TRAK2: variants seen among roughly 807,000 people sequenced by gnomAD.
TRAK2 encodes trafficking kinesin protein 2, also known as trafficking kinesin-binding protein 2.
A neutral mutation model predicts 104.6 loss-of-function variants in TRAK2; 81 were observed. The observed-to-expected ratio is 0.77, with a 90% confidence interval of 0.65 to 0.93. TRAK2 has a LOEUF of 0.93. TRAK2 is among the 40% of genes least tolerant of loss of function. TRAK2 has a pLI of 0.00. For synonymous variants in TRAK2, 406 were observed against 394.4 expected (o/e 1.03, Z -0.35); for missense variants, 1,002 against 1,089.0 (o/e 0.92, Z 1.12).
At chr2:201,418,432 C>T (rs1340353658) in intron 2 of TRAK2, among the ~76,000 whole-genome samples, 1 of 152,044 alleles carries the variant, frequency 6.6e-6, no homozygotes, top group Non-Finnish European at 1.5e-5. Flanking sequence ...CCAGATTATA[C>T]AATTTATATA....
At chr2:201,450,532 C>T (rs1182187390) in intron 1 of TRAK2, among the ~76,000 whole-genome samples, 1 of 152,174 alleles carries the variant, frequency 6.6e-6, no homozygotes, top group Non-Finnish European at 1.5e-5. Context: ...ATGTCACCAC[C>T]ATTAACCTGC....
chr2:201,450,370 A>G (rs1203764037), intron 1 of TRAK2, among the ~76,000 whole-genome samples: 4 of 151,484 alleles, frequency 2.6e-5, no homozygotes, highest in Non-Finnish European at 2.9e-5. Flanking sequence ...AGCCGAGATC[A>G]CCCCACTGCA....
intron 1 of TRAK2, among the ~76,000 whole-genome samples, chr2:201,437,733 C>T (rs978440678): frequency 6.6e-6 from 1 of 152,034 alleles, no homozygotes; most frequent in Non-Finnish European, 1.5e-5. Flanking sequence ...CTACCGTGTC[C>T]TCCAGTCTTA....
Position 201,381,049 on chromosome 2 carries a change from C to T in TRAK2, c.2239G>A (p.Glu747Lys). The stretch of plus-strand genomic sequence containing the variant: ...TACACTTTGGCAGAGATGCCTCGCT[C>T]TTGTAGAAGTTTGGCCAAGCTCATG... ...STMSLAKLLQ[E>K]RGISAKVYHS... Residue 747 changes from glutamate (E) to lysine (K), a missense_variant, in exon 16 of 16, where the codon GAG (glutamate) becomes AAG (lysine). Transcript: ENST00000332624. The T allele has an allele frequency of 6.2e-7, 1 of 1,614,046 alleles. No homozygotes were observed. Among genetic ancestry groups the T allele is most frequent in the Non-Finnish European group, 8.5e-7 (1 of 1,179,990 alleles).
At chr2:201,402,150 G>A (rs935350634) in intron 3 of TRAK2, among the ~76,000 whole-genome samples, 6 of 152,002 alleles carry the variant, frequency 3.9e-5, no homozygotes, top group Admixed American at 1.3e-4. Context: ...TAACTGCTAC[G>A]TATCATATAA....
intron 2 of TRAK2, among the ~76,000 whole-genome samples, chr2:201,410,053 T>C (rs563591466): frequency 1.3e-5 from 2 of 152,282 alleles, no homozygotes; most frequent in African/African-American, 4.8e-5. Context: ...ATCCCAGCAC[T>C]CTGGGAGGCC....
chr2:201,399,283 T>A (rs1024303123), intron 5 of TRAK2, 94 bp downstream of exon 5: 2 of 751,230 alleles, frequency 2.7e-6, no homozygotes, highest in Non-Finnish European at 4.6e-6. Context: ...GTTATTTATC[T>A]ATTGCCATCA....
rs1253813188 is a variant in TRAK2, at chr2:201,386,215, C to T, written c.1963+3G>A. 4 of 1,614,066 alleles carry T rather than the reference C, an allele frequency of 2.5e-6. No individual in the cohort carries two copies. Among genetic ancestry groups the T allele is most frequent in the African/African-American group, 2.7e-5 (2 of 75,048 alleles). The stretch of plus-strand genomic sequence containing the variant: ...ACCATATTCAACCAGACACTCTTCT[C>T]ACCTGTAACTGGTCCACCTGCTGAA... On this transcript the variant is annotated splice_donor_region_variant and intron_variant, in intron 14 of 15. Coordinates refer to ENST00000332624, the MANE Select transcript of TRAK2 (RefSeq NM_015049.3).
chr2:201,449,568 T>C (rs925247159), intron 1 of TRAK2, among the ~76,000 whole-genome samples: 1 of 140,304 alleles, frequency 7.1e-6, no homozygotes, highest in Non-Finnish European at 1.5e-5. Context: ...CACCGCAACC[T>C]CCGCCTCCTG....
intron 1 of TRAK2, among the ~76,000 whole-genome samples, chr2:201,430,566 T>C (rs1336056405): frequency 1.3e-5 from 2 of 152,192 alleles, no homozygotes; most frequent in Non-Finnish European, 2.9e-5. Flanking sequence ...CACCTTACAG[T>C]TCGATCTTGG....
chr2:201,423,836 TTAAA>T (rs1458601202), intron 1 of TRAK2, among the ~76,000 whole-genome samples: 11 of 152,164 alleles, frequency 7.2e-5, no homozygotes, highest in Admixed American at 6.5e-4. Context: ...CAAGTGTATT[TTAAA>T]TAAAATCAGT....
intron 1 of TRAK2, among the ~76,000 whole-genome samples, chr2:201,426,134 G>A (rs1951786148): frequency 1.3e-5 from 2 of 152,220 alleles, no homozygotes; most frequent in Non-Finnish European, 2.9e-5. Context: ...AGGCTGCATA[G>A]CAGGAGGTGG....
At chr2:201,401,686 A>T (rs1951552150) in intron 3 of TRAK2, among the ~76,000 whole-genome samples, 1 of 152,110 alleles carries the variant, frequency 6.6e-6, no homozygotes, top group South Asian at 2.1e-4. Flanking sequence ...TCTAGGTCTC[A>T]GCTATAAAAT....
intron 2 of TRAK2, among the ~76,000 whole-genome samples, chr2:201,415,421 G>A (rs1018997470): frequency 1.3e-5 from 2 of 151,974 alleles, no homozygotes; most frequent in African/African-American, 4.8e-5. Flanking sequence ...AAACAGACCC[G>A]TCATGACAGA....
At chr2:201,394,899 G>A (rs745986898) in intron 8 of TRAK2, 27 bp from the exon 9 acceptor site, 20 of 1,582,960 alleles carry the variant, frequency 1.3e-5, no homozygotes, top group Non-Finnish European at 1.1e-5. Flanking sequence ...AAAGACATGT[G>A]AAGCCTTTCC....
At chr2:201,429,399 A>G (rs527548666) in intron 1 of TRAK2, among the ~76,000 whole-genome samples, 4 of 152,284 alleles carry the variant, frequency 2.6e-5, no homozygotes, top group African/African-American at 9.6e-5. Context: ...CTGAATTTGA[A>G]TGTTGGCCTG....
At chr2:201,441,427 G>C (rs1951919083) in intron 1 of TRAK2, among the ~76,000 whole-genome samples, 1 of 152,150 alleles carries the variant, frequency 6.6e-6, no homozygotes. Context: ...GAAATGGTCA[G>C]ATATCTTCTT....
At chr2:201,432,198 G>A (rs553015371) in intron 1 of TRAK2, among the ~76,000 whole-genome samples, 7 of 152,230 alleles carry the variant, frequency 4.6e-5, no homozygotes, top group African/African-American at 1.2e-4. Context: ...GATGAGTGAC[G>A]TTAGCTTAGT....
intron 3 of TRAK2, 40 bp from the exon 4 acceptor site, chr2:201,401,134 TA>T: frequency 7.2e-7 from 1 of 1,390,710 alleles, no homozygotes; most frequent in Non-Finnish European, 9.8e-7. Context: ...GCTTTAGCAA[TA>T]ATGAAAAAAT....
Sources: allele counts gnomAD v4.1 joint callset (sites outside exome capture counted in the v4.1 genomes callset), GRCh38; gene constraint gnomAD v4.1.1; transcripts MANE v1.5; gene names NCBI Gene and HGNC (gene_info 2026-07-23, HGNC 2026-07-21).